The following IGSF11 variants were observed in gnomAD, a reference collection of about 807,000 sequenced individuals.
IGSF11 encodes the protein CXADR like 1.
IGSF11 carries 22 observed loss-of-function variants against 41.0 expected under a neutral mutation model. The ratio of observed to expected loss-of-function variants is 0.54; its 90% CI spans 0.38 to 0.77. The LOEUF is 0.77. Ranked by LOEUF, IGSF11 falls within the 30% of genes least tolerant of loss-of-function variation. IGSF11 has a pLI of 0.00. For synonymous variants in IGSF11, 219 were observed against 201.3 expected (o/e 1.09, Z -0.74); for missense variants, 444 against 530.8 (o/e 0.84, Z 1.61).
intron 1 of IGSF11, among the ~76,000 whole-genome samples, chr3:119,003,923 T>A (rs1476090952): frequency 6.7e-6 from 1 of 150,194 alleles, no homozygotes; most frequent in East Asian, 1.9e-4. Context: ...TCTAATATTC[T>A]CTTTTTTGGT....
At chr3:119,129,134 G>A (rs1378513297) in intron 1 of IGSF11, among the ~76,000 whole-genome samples, 1 of 152,048 alleles carries the variant, frequency 6.6e-6, no homozygotes, top group Non-Finnish European at 1.5e-5. Context: ...CACAGAGAGG[G>A]GAACAACAAC....
chr3:119,082,637 A>C (rs192342745), intron 1 of IGSF11, among the ~76,000 whole-genome samples: 6 of 152,358 alleles, frequency 3.9e-5, no homozygotes, highest in Non-Finnish European at 5.9e-5. Context: ...ATAAAGTTCA[A>C]TAGCAATCAT....
chr3:119,069,840 C>T (rs1274278345), intron 1 of IGSF11, among the ~76,000 whole-genome samples: 3 of 152,234 alleles, frequency 2.0e-5, no homozygotes, highest in South Asian at 2.1e-4. Context: ...TTTTACTTCT[C>T]GAATTCTGTT....
intron 1 of IGSF11, among the ~76,000 whole-genome samples, chr3:119,016,421 A>T (rs530367773): frequency 4.6e-5 from 7 of 152,258 alleles, no homozygotes; most frequent in East Asian, 1.9e-4. Flanking sequence ...TAATTCTTTT[A>T]AAAAAAATCT....
chr3:118,937,058 G>T (rs1943340056), intron 1 of IGSF11, among the ~76,000 whole-genome samples: 1 of 152,204 alleles, frequency 6.6e-6, no homozygotes, highest in African/African-American at 2.4e-5. Context: ...TGAAGCAAGT[G>T]CTCATGTTTC....
intron 1 of IGSF11, among the ~76,000 whole-genome samples, chr3:119,090,974 A>G (rs1366407021): frequency 1.3e-5 from 2 of 152,234 alleles, no homozygotes; most frequent in African/African-American, 2.4e-5. Context: ...TGCATCTGAC[A>G]AAGGTCTAAT....
intron 1 of IGSF11, among the ~76,000 whole-genome samples, chr3:119,024,256 G>A: frequency 6.6e-6 from 1 of 152,026 alleles, no homozygotes; most frequent in East Asian, 1.9e-4. Context: ...AAATTAGAAA[G>A]CATCAAAAGT....
chr3:118,902,447 T>TGCCCCCCCC lies in IGSF11; in HGVS notation c.*72_*73insGGGGGGGGC. Reference sequence around the variant, plus strand: ...TAAGGAAGTGTTTCTTTCCCAGCACTCCCCACCCCACCCTCCCCCTTGTAT... The same window carrying TGCCCCCCCC: ...TAAGGAAGTGTTTCTTTCCCAGCACTGCCCCCCCCCCCCACCCCACCCTCCCCCTTGTAT... On this transcript the variant is annotated 3_prime_UTR_variant, in exon 7 of 7. Coordinates refer to ENST00000393775, the MANE Select transcript of IGSF11 (RefSeq NM_001015887.3). The TGCCCCCCCC allele has an allele frequency of 3.5e-6, 2 of 563,916 alleles. No homozygotes were observed. The highest frequency in any genetic ancestry group is 3.2e-5 in the East Asian group (1 of 31,444). 34.9% of individuals were successfully genotyped at this position (563,916 alleles called of 1,614,324 possible).
At chr3:119,085,392 T>C (rs191246198) in intron 1 of IGSF11, among the ~76,000 whole-genome samples, 4 of 152,202 alleles carry the variant, frequency 2.6e-5, no homozygotes, top group Non-Finnish European at 5.9e-5. Flanking sequence ...CAACCGACTG[T>C]GTACTCAAAT....
At chr3:118,962,778 AG>A (rs200028152) in intron 1 of IGSF11, among the ~76,000 whole-genome samples, 1,732 of 152,338 alleles carry the variant, frequency 0.011, 17 homozygotes, top group Middle Eastern at 0.034. Flanking sequence ...TGGTAGGCAA[AG>A]GAAGCAGAAC....
intron 1 of IGSF11, among the ~76,000 whole-genome samples, chr3:119,084,351 G>A (rs1244596594): frequency 6.6e-6 from 1 of 152,144 alleles, no homozygotes; most frequent in Non-Finnish European, 1.5e-5. Flanking sequence ...TAGGGAAAGG[G>A]TGAGTGAAGA....
intron 1 of IGSF11, among the ~76,000 whole-genome samples, chr3:119,091,965 T>C (rs1015522619): frequency 3.5e-5 from 5 of 144,718 alleles, no homozygotes; most frequent in African/African-American, 5.1e-5. Context: ...ATACAATGTG[T>C]GTTTTGTTTT....
chr3:118,906,258 C>T (rs1939579547), intron 4 of IGSF11, among the ~76,000 whole-genome samples: 3 of 152,084 alleles, frequency 2.0e-5, no homozygotes, highest in Admixed American at 6.6e-5. Flanking sequence ...GAGGAAATAC[C>T]AGTAAAGGAA....
intron 1 of IGSF11, among the ~76,000 whole-genome samples, chr3:119,081,413 G>C (rs774581480): frequency 6.6e-6 from 1 of 151,948 alleles, no homozygotes; most frequent in Admixed American, 6.6e-5. Context: ...TAATACCTAG[G>C]TGAATACTGA....
At chr3:119,128,174 C>T (rs1559882718) in intron 1 of IGSF11, among the ~76,000 whole-genome samples, 1 of 152,096 alleles carries the variant, frequency 6.6e-6, no homozygotes, top group East Asian at 1.9e-4. Context: ...ACCTGGCCAA[C>T]ATGGTGAAAA....
chr3:119,132,399 A>G (rs1211141608), intron 1 of IGSF11, among the ~76,000 whole-genome samples: 3 of 149,162 alleles, frequency 2.0e-5, no homozygotes, highest in Non-Finnish European at 4.5e-5. Flanking sequence ...AAAAAAAAAA[A>G]AAAAAAAAGC....
intron 1 of IGSF11, among the ~76,000 whole-genome samples, chr3:119,028,254 T>C (rs559814703): frequency 5.3e-5 from 8 of 152,246 alleles, no homozygotes; most frequent in African/African-American, 1.4e-4. Flanking sequence ...TGGAAATACA[T>C]AGACTTCAGG....
chr3:119,140,159 G>A (rs2107548537), intron 1 of IGSF11, among the ~76,000 whole-genome samples: 1 of 151,780 alleles, frequency 6.6e-6, no homozygotes, highest in East Asian at 1.9e-4. Context: ...TAAATCAAAA[G>A]GCAGAGATAG....
intron 1 of IGSF11, among the ~76,000 whole-genome samples, chr3:118,978,010 A>G (rs1381871879): frequency 2.0e-5 from 3 of 152,110 alleles, no homozygotes; most frequent in Admixed American, 2.0e-4. Context: ...CACTGCAGCT[A>G]CAGACTGCTG....
Sources: gnomAD v4.1 joint callset for allele counts (sites outside exome capture counted in the v4.1 genomes callset) on GRCh38, gnomAD v4.1.1 for gene constraint, MANE v1.5 for transcripts, NCBI Gene and HGNC (gene_info 2026-07-23, HGNC 2026-07-21) for gene names.